ARHGAP8: variants seen among roughly 807,000 people sequenced by gnomAD.
ARHGAP8 encodes rho GTPase-activating protein 8.
ARHGAP8 carries 62 observed loss-of-function variants against 46.1 expected under a neutral mutation model. That is an observed-to-expected ratio of 1.34 (90% CI 1.10 to 1.66). The LOEUF is 1.66. Among genes scored for constraint, ARHGAP8 ranks in the 40% most tolerant of loss-of-function variants. ARHGAP8 has a pLI of 0.00. For synonymous variants in ARHGAP8, 375 were observed against 243.1 expected, an observed-to-expected ratio of 1.54 and a Z score of -5.05; for missense variants, 923 against 568.4, an observed-to-expected ratio of 1.62 and a Z score of -6.34.
At chr22:44,840,918 G>T (rs1049164221) in intron 7 of ARHGAP8, among the ~76,000 whole-genome samples, 4 of 152,214 alleles carry the variant, frequency 2.6e-5, no homozygotes, top group Non-Finnish European at 5.9e-5. Context: ...GGTCTGGCTG[G>T]GAAGGGGCTT....
At chr22:44,763,800 TTC>T (rs132459) in intron 1 of ARHGAP8, among the ~76,000 whole-genome samples, 29,787 of 129,622 alleles carry the variant, frequency 0.23, 3,140 homozygotes, top group Non-Finnish European at 0.29. Flanking sequence ...TCTTTTTCTT[TTC>T]TTTTTTTTTT....
intron 1 of ARHGAP8, among the ~76,000 whole-genome samples, chr22:44,752,956 T>G (rs1366286235): frequency 6.6e-6 from 1 of 151,538 alleles, no homozygotes; most frequent in Non-Finnish European, 1.5e-5. Flanking sequence ...CAGCCTGCGT[T>G]TTGGTCTGGT....
At chr22:44,783,325 G>A (rs1026257451) in intron 1 of ARHGAP8, among the ~76,000 whole-genome samples, 7 of 149,970 alleles carry the variant, frequency 4.7e-5, no homozygotes, top group East Asian at 2.0e-4. Context: ...GTCCATCCCC[G>A]AGCTGTCCAC....
intron 1 of ARHGAP8, among the ~76,000 whole-genome samples, chr22:44,780,622 A>G (rs940138203): frequency 6.6e-6 from 1 of 152,168 alleles, no homozygotes; most frequent in Non-Finnish European, 1.5e-5. Flanking sequence ...AGATCGCACC[A>G]CTGCACTCCA....
intron 5 of ARHGAP8, among the ~76,000 whole-genome samples, chr22:44,816,564 G>C (rs527619291): frequency 2.6e-4 from 39 of 152,268 alleles, no homozygotes; most frequent in African/African-American, 9.1e-4. Flanking sequence ...ACTAATCATA[G>C]CACTTTGGGA....
chr22:44,816,305 C>A (rs1051742608), intron 5 of ARHGAP8, among the ~76,000 whole-genome samples: 35 of 152,244 alleles, frequency 2.3e-4, no homozygotes, highest in South Asian at 6.2e-4. Flanking sequence ...ACACTGTCTC[C>A]TTCCCATTTC....
chr22:44,828,306 C>T (rs866554038), intron 7 of ARHGAP8, among the ~76,000 whole-genome samples: 20 of 152,184 alleles, frequency 1.3e-4, no homozygotes, highest in African/African-American at 4.6e-4. Context: ...GCACTCCCAC[C>T]ACCCCTTAGG....
chr22:44,784,467 GTAT>G (rs1234859953), intron 1 of ARHGAP8, among the ~76,000 whole-genome samples: 2 of 152,178 alleles, frequency 1.3e-5, no homozygotes, highest in South Asian at 2.1e-4. Context: ...ATTGTATTTG[GTAT>G]TATAAGTAAT....
intron 10 of ARHGAP8, among the ~76,000 whole-genome samples, chr22:44,852,462 C>T (rs1455415137): frequency 6.6e-6 from 1 of 152,166 alleles, no homozygotes; most frequent in Non-Finnish European, 1.5e-5. Context: ...TCTTAGATTC[C>T]TTCAGCTCAA....
At chr22:44,777,344 A>T (rs1926501358) in intron 1 of ARHGAP8, 1 of 151,868 alleles carries the variant, frequency 6.6e-6, no homozygotes, top group Admixed American at 6.6e-5. Context: ...AACACTTTTT[A>T]AATAAAATCC....
At position 44,857,723 on chromosome 22, in the gene ARHGAP8, A is replaced by G. The variant is rs545332780; in HGVS notation, c.878-2008A>G. 6.6e-5 allele frequency among the ~76,000 whole-genome samples: 10 copies of G among 152,220 alleles called. No homozygotes were observed. In the East Asian group the frequency reaches 1.4e-3, roughly 21 times the overall value. ...TGGCCTGCTCCAGAGGAGAAAGGGG[A>G]GGTCAGAGAGTCCTCGAGGCCCAGC... is the stretch of plus-strand genomic sequence containing the variant. On this transcript the variant is annotated intron_variant, in intron 10 of 11. Transcript: ENST00000356099.
intron 8 of ARHGAP8, 146 bp downstream of exon 8, chr22:44,845,488 C>A: frequency 1.8e-6 from 2 of 1,114,160 alleles, no homozygotes; most frequent in Non-Finnish European, 2.5e-6. Context: ...CAGGTCTGGG[C>A]TCTGGCCTCG....
rs150417644 is a variant in ARHGAP8, at chr22:44,862,460, G to C, written c.1167G>C (p.Glu389Asp). ...TCAGCACCCCGGAGGCACCTGGGGA[G>C]CACGGCCTGGCACCATGGGAACAGG... is the stretch of plus-strand genomic sequence containing the variant. ...KIFSTPEAPG[E>D]HGLAPWEQGS... Residue 389 changes from glutamate to aspartate, a missense_variant, in exon 12 of 12, where the codon GAG becomes GAC. Coordinates refer to ENST00000356099, the MANE Select transcript of ARHGAP8 (RefSeq NM_181335.3). 6.2e-6 allele frequency: 10 copies of C among 1,613,916 alleles called. No individual in the cohort carries two copies. Among genetic ancestry groups the C allele is most frequent in the Middle Eastern group, 1.6e-4 (1 of 6,084 alleles).
chr22:44,791,076 G>A (rs900816549), intron 2 of ARHGAP8, among the ~76,000 whole-genome samples: 1 of 152,002 alleles, frequency 6.6e-6, no homozygotes, highest in Non-Finnish European at 1.5e-5. Context: ...TTGCTCTCCC[G>A]GTGGGTACCC....
chr22:44,792,848 A>G (rs1352734213), intron 2 of ARHGAP8, among the ~76,000 whole-genome samples: 3 of 145,842 alleles, frequency 2.1e-5, no homozygotes, highest in East Asian at 2.0e-4. Flanking sequence ...TTTTGAGATG[A>G]AGTCTTACTC....
intron 8 of ARHGAP8, among the ~76,000 whole-genome samples, chr22:44,846,060 C>T (rs1236914512): frequency 6.6e-6 from 1 of 152,092 alleles, no homozygotes; most frequent in Non-Finnish European, 1.5e-5. Flanking sequence ...TCTCCAGCCT[C>T]CAGAGCTCGG....
chr22:44,860,776 A>C (rs1351503114), intron 11 of ARHGAP8, among the ~76,000 whole-genome samples: 1 of 152,092 alleles, frequency 6.6e-6, no homozygotes, highest in South Asian at 2.1e-4. Context: ...GGTTCAACAC[A>C]TCCACGTGGG....
In ARHGAP8 at chr22:44,862,313, T is replaced by G. The variant is rs138244204; in HGVS notation, c.1020T>G (p.Ser340=). The change falls in exon 12 of 12, where the codon TCT becomes TCG. Residue 340 remains serine, a synonymous_variant. Coordinates refer to ENST00000356099, the MANE Select transcript of ARHGAP8 (RefSeq NM_181335.3). The stretch of plus-strand genomic sequence containing the variant: ...GCATCTTCAACAAAATGAACAGCTC[T>G]AACCTGGCCTGTGTCTTCGGGCTGA... The part of the protein sequence containing the change: ...RESIFNKMNS[S]NLACVFGLNL... 5.0e-5 allele frequency: 81 copies of G among 1,612,760 alleles called. No homozygotes were observed. The African/African-American group carries it at 8.8e-4, about 18-fold the overall frequency.
intron 1 of ARHGAP8, among the ~76,000 whole-genome samples, chr22:44,785,176 C>A (rs1391132121): frequency 6.6e-6 from 1 of 152,158 alleles, no homozygotes; most frequent in Non-Finnish European, 1.5e-5. Flanking sequence ...TCAGAATCAC[C>A]TCCAGAAATT....
Sources: gnomAD v4.1 joint callset for allele counts (sites outside exome capture counted in the v4.1 genomes callset) on GRCh38, gnomAD v4.1.1 for gene constraint, MANE v1.5 for transcripts, NCBI Gene and HGNC (gene_info 2026-07-23, HGNC 2026-07-21) for gene names.